The following TXNDC16 variants were observed in gnomAD, a reference collection of about 807,000 sequenced individuals.
TXNDC16 encodes thioredoxin domain containing 16, also known as thioredoxin domain-containing protein 16.
In TXNDC16, 74 loss-of-function variants were observed where a neutral mutation model predicts 85.6. The ratio of observed to expected loss-of-function variants is 0.86; its 90% confidence interval spans 0.72 to 1.05. The LOEUF (loss-of-function observed/expected upper bound fraction) is 1.05, where lower values mean the gene tolerates loss of function less well. TXNDC16 is among the 50% of genes least tolerant of loss of function. TXNDC16 has a pLI of 0.00. For missense variants in TXNDC16, 959 were observed against 947.0 expected (o/e 1.01, Z -0.17); for synonymous variants, 335 against 326.5 (o/e 1.03, Z -0.28).
chr14:52,538,174 G>A (rs896259657), intron 4 of TXNDC16, among the ~76,000 whole-genome samples: 51 of 152,208 alleles, frequency 3.4e-4, no homozygotes, highest in South Asian at 2.1e-4. Context: ...TCACTGGGCT[G>A]AAACTCCTAA....
At chr14:52,508,708 T>C (rs373907175) in intron 9 of TXNDC16, among the ~76,000 whole-genome samples, 2 of 152,118 alleles carry the variant, frequency 1.3e-5, no homozygotes, top group South Asian at 2.1e-4. Flanking sequence ...AAATGTGGCA[T>C]ATATACACCA....
intron 12 of TXNDC16, among the ~76,000 whole-genome samples, chr14:52,486,861 G>T (rs1383181976): frequency 1.3e-5 from 2 of 152,118 alleles, no homozygotes; most frequent in Non-Finnish European, 2.9e-5. Flanking sequence ...TGTTTGAAAT[G>T]ATGGATACAC....
Position 52,440,637 on chromosome 14 carries a change from G to A in TXNDC16, c.1930C>T (p.Gln644Ter). 1 of 1,609,158 alleles carries A rather than the reference G, an allele frequency of 6.2e-7. No individual in the cohort carries two copies. Residue 644 changes from glutamine (Q) to a stop codon, truncating the protein, a stop_gained, in exon 19 of 21, where the codon CAG (glutamine) becomes TAG (stop). Transcript: ENST00000281741. LOFTEE classifies it high-confidence loss of function. ...ILFSDGTVNP[Q>*]YKKAILTLVK... ...AGTGTCAATATTGCTTTTTTATACT[G>A]AGGATTTACAGTGCCATCACTGAAC...
Position 52,431,452 on chromosome 14 carries a change from G to A in TXNDC16, c.*852C>T, listed in dbSNP as rs1322259435. ...TTAGAAAAGATCAAGTTGTATCCAGGTAATAATCAGGATAAGACCATCTAA... is the reference window on the plus strand; with the variant it reads ...TTAGAAAAGATCAAGTTGTATCCAGATAATAATCAGGATAAGACCATCTAA... On this transcript the variant is annotated 3_prime_UTR_variant, in exon 21 of 21. Coordinates refer to ENST00000281741, the MANE Select transcript of TXNDC16 (RefSeq NM_020784.3). The A allele has an allele frequency of 6.6e-6, 1 of 152,162 alleles. No homozygotes were observed. The highest frequency in any genetic ancestry group is 1.5e-5 in the Non-Finnish European group (1 of 68,032). 9.4% of individuals were successfully genotyped at this position (152,162 alleles called of 1,614,324 possible).
chr14:52,531,092 C>T (rs907511418), intron 6 of TXNDC16, among the ~76,000 whole-genome samples: 1 of 152,008 alleles, frequency 6.6e-6, no homozygotes, highest in African/African-American at 2.4e-5. Flanking sequence ...CATCATAAGT[C>T]ATCAGGGAAA....
chr14:52,486,702 G>A (rs2036281051), intron 12 of TXNDC16, among the ~76,000 whole-genome samples: 2 of 152,000 alleles, frequency 1.3e-5, no homozygotes. Context: ...TTAGATACAG[G>A]CACAACACCA....
intron 18 of TXNDC16, among the ~76,000 whole-genome samples, chr14:52,454,288 T>C (rs2035477682): frequency 6.6e-6 from 1 of 150,852 alleles, no homozygotes; most frequent in Non-Finnish European, 1.5e-5. Context: ...TTATCCGATG[T>C]GGTGGCACAT....
chr14:52,444,069 A>C (rs2035225549), intron 18 of TXNDC16, among the ~76,000 whole-genome samples: 1 of 152,184 alleles, frequency 6.6e-6, no homozygotes, highest in Admixed American at 6.5e-5. Flanking sequence ...AGAGGACTGA[A>C]TTACAAAAGC....
rs1007669496 is a variant in TXNDC16, at chr14:52,431,463, G to A, written c.*841C>T. 5.9e-5 allele frequency: 9 copies of A among 152,242 alleles called. No homozygotes were observed. Among genetic ancestry groups the A allele is most frequent in the Admixed American group, 3.3e-4 (5 of 15,300 alleles). The allele number at this position is 152,242 out of a possible 1,614,324, so 9.4% of individuals were successfully genotyped here. A position where few individuals can be genotyped will look rare whatever the true frequency, so the allele number is the denominator to read the frequency against. ...CAAGTTGTATCCAGGTAATAATCAG[G>A]ATAAGACCATCTAATACATATCTTT... On this transcript the variant is annotated 3_prime_UTR_variant, in exon 21 of 21. Coordinates refer to ENST00000281741, the MANE Select transcript of TXNDC16 (RefSeq NM_020784.3).
intron 14 of TXNDC16, among the ~76,000 whole-genome samples, chr14:52,471,510 ATCTACATC>A (rs1426393836): frequency 6.6e-6 from 1 of 152,178 alleles, no homozygotes; most frequent in Non-Finnish European, 1.5e-5. Context: ...TGACACAGTG[ATCTACATC>A]AGGTTCCCTT....
intron 7 of TXNDC16, among the ~76,000 whole-genome samples, chr14:52,517,785 T>C (rs554462408): frequency 6.6e-6 from 1 of 152,190 alleles, no homozygotes; most frequent in African/African-American, 2.4e-5. Flanking sequence ...TTCAAAAAAT[T>C]ATTCTCCTAA....
At chr14:52,515,552 G>A (rs539799655) in intron 7 of TXNDC16, among the ~76,000 whole-genome samples, 1 of 151,704 alleles carries the variant, frequency 6.6e-6, no homozygotes, top group South Asian at 2.1e-4. Context: ...ATTTTACAAG[G>A]CATATTAATA....
At chr14:52,490,773 A>G (rs1594723320) in intron 10 of TXNDC16, 66 bp downstream of exon 10, 1 of 1,524,460 alleles carries the variant, frequency 6.6e-7, no homozygotes, top group East Asian at 2.3e-5. Flanking sequence ...TTAAATTACC[A>G]TATTTTAAAA....
chr14:52,488,300 A>T, intron 12 of TXNDC16, 63 bp downstream of exon 12: 1 of 1,581,106 alleles, frequency 6.3e-7, no homozygotes, highest in South Asian at 1.2e-5. Flanking sequence ...ATCCATTGGA[A>T]ATTTCACTGA....
intron 9 of TXNDC16, among the ~76,000 whole-genome samples, chr14:52,506,559 C>CT (rs1286100339): frequency 2.6e-5 from 2 of 77,132 alleles, no homozygotes; most frequent in Non-Finnish European, 5.0e-5. Context: ...TTTCTTTTTT[C>CT]TTTTTTTTGA....
chr14:52,540,570 A>C (rs1189531649), intron 4 of TXNDC16, among the ~76,000 whole-genome samples: 1 of 152,198 alleles, frequency 6.6e-6, no homozygotes, highest in Non-Finnish European at 1.5e-5. Flanking sequence ...GGTTGCAGTG[A>C]GCCAAGATGG....
intron 16 of TXNDC16, among the ~76,000 whole-genome samples, chr14:52,467,912 G>T (rs566238162): frequency 1.4e-4 from 21 of 152,192 alleles, no homozygotes; most frequent in Admixed American, 7.2e-4. Context: ...AATACTATTC[G>T]GCCTAAATTG....
Position 52,482,293 on chromosome 14 carries a change from T to C in TXNDC16, c.1253-4A>G. The C allele has an allele frequency of 2.5e-6, 4 of 1,609,972 alleles. No homozygotes were observed. The highest frequency in any genetic ancestry group is 3.4e-6 in the Non-Finnish European group (4 of 1,178,216). On this transcript the variant is annotated splice_polypyrimidine_tract_variant and splice_region_variant and intron_variant, in intron 13 of 20. Transcript: ENST00000281741. ...AATGCCATGGATACTGCTTGCCCTA[T>C]ATGAAAATTAAAAATTCAACAGATA...
At chr14:52,526,730 G>T (rs2037344034) in intron 6 of TXNDC16, among the ~76,000 whole-genome samples, 1 of 152,184 alleles carries the variant, frequency 6.6e-6, no homozygotes, top group South Asian at 2.1e-4. Flanking sequence ...CTGATGGCTG[G>T]CAGACAGCTT....
Sources: gnomAD v4.1 joint callset for allele counts (sites outside exome capture counted in the v4.1 genomes callset) on GRCh38, gnomAD v4.1.1 for gene constraint, MANE v1.5 for transcripts, NCBI Gene and HGNC (gene_info 2026-07-23, HGNC 2026-07-21) for gene names.